Variants in FYN observed in about 807,000 individuals in gnomAD.
FYN encodes the protein tyrosine-protein kinase Fyn.
FYN carries 10 observed loss-of-function variants against 70.2 expected under a neutral mutation model. The observed-to-expected ratio is 0.14, with a 90% CI of 0.09 to 0.24. The LOEUF (loss-of-function observed/expected upper bound fraction) is 0.24, where lower values mean the gene tolerates loss of function less well. Ranked by LOEUF, FYN falls within the 10% of genes least tolerant of loss-of-function variation. The pLI, the probability that FYN is intolerant of heterozygous loss-of-function variation, is 1.00. For synonymous variants in FYN, 236 were observed against 248.6 expected, an observed-to-expected ratio of 0.95 and a Z score of 0.48; for missense variants, 319 against 673.1, an observed-to-expected ratio of 0.47 and a Z score of 5.82.
At chr6:111,767,823 ACT>A (rs1803293449) in intron 3 of FYN, among the ~76,000 whole-genome samples, 1 of 152,230 alleles carries the variant, frequency 6.6e-6, no homozygotes, top group African/African-American at 2.4e-5. Context: ...GTGTGCCAGC[ACT>A]GAGACCTGTG....
intron 2 of FYN, among the ~76,000 whole-genome samples, chr6:111,799,071 G>A (rs1205889109): frequency 6.6e-6 from 1 of 152,182 alleles, no homozygotes; most frequent in Non-Finnish European, 1.5e-5. Flanking sequence ...TAGGTGAGAT[G>A]CTACCAGTCA....
chr6:111,693,188 T>C (rs774422136), intron 12 of FYN, among the ~76,000 whole-genome samples: 3 of 152,014 alleles, frequency 2.0e-5, no homozygotes, highest in Admixed American at 6.6e-5. Flanking sequence ...GAGAGGATAA[T>C]TGGCATGAAA....
At chr6:111,723,719 T>C (rs184404309) in intron 3 of FYN, among the ~76,000 whole-genome samples, 5 of 152,354 alleles carry the variant, frequency 3.3e-5, no homozygotes, top group South Asian at 2.1e-4. Flanking sequence ...AGGCAAACTT[T>C]TGATCATTCA....
At position 111,871,498 on chromosome 6, in the gene FYN, T is replaced by C. The variant is rs984274963; in HGVS notation, c.-123+1470A>G. On this transcript the variant is annotated intron_variant, in intron 1 of 13. Coordinates refer to ENST00000354650, the MANE Select transcript of FYN (RefSeq NM_002037.5). ...GCAGTGGTCTTCCAAATGCTAACTC[T>C]AGACCGTTTTATCCACGTCCCCAGG... 7.2e-5 allele frequency among the ~76,000 whole-genome samples: 11 copies of C among 152,232 alleles called. No individual in the cohort carries two copies. In the South Asian group the frequency reaches 1.2e-3, roughly 17 times the overall value.
chr6:111,710,414 A>G (rs1800313176), intron 5 of FYN, among the ~76,000 whole-genome samples: 1 of 152,200 alleles, frequency 6.6e-6, no homozygotes, highest in Admixed American at 6.5e-5. Context: ...ATTTTGGTCT[A>G]GGTACCTAAA....
chr6:111,778,060 G>A (rs1246293807), intron 3 of FYN, among the ~76,000 whole-genome samples: 1 of 152,226 alleles, frequency 6.6e-6, no homozygotes, highest in Non-Finnish European at 1.5e-5. Context: ...AGCATCCACA[G>A]AAGCAATGCA....
chr6:111,807,029 A>G (rs1772171654), intron 2 of FYN, among the ~76,000 whole-genome samples: 1 of 152,080 alleles, frequency 6.6e-6, no homozygotes. Flanking sequence ...CTCTGATTTC[A>G]CGTTTCCCTT....
chr6:111,666,375 G>A (rs1583280028), intron 13 of FYN, among the ~76,000 whole-genome samples: 1 of 152,070 alleles, frequency 6.6e-6, no homozygotes, highest in East Asian at 1.9e-4. Flanking sequence ...ACAGAGAGGC[G>A]GCTTGGGGCT....
intron 6 of FYN, among the ~76,000 whole-genome samples, chr6:111,704,419 A>G (rs934362248): frequency 6.6e-6 from 1 of 152,208 alleles, no homozygotes; most frequent in Non-Finnish European, 1.5e-5. Context: ...TAAGACCTTG[A>G]TTTGAAATGG....
chr6:111,716,003 T>C (rs706888), intron 4 of FYN, among the ~76,000 whole-genome samples: 143,175 of 152,326 alleles, frequency 0.94, 67,455 homozygotes, highest in East Asian at 1. Flanking sequence ...GTTATTTCTA[T>C]TTTAGTACAT....
intron 2 of FYN, among the ~76,000 whole-genome samples, chr6:111,784,972 C>CA (rs1413203409): frequency 6.6e-6 from 1 of 152,184 alleles, no homozygotes; most frequent in Non-Finnish European, 1.5e-5. Flanking sequence ...ATAGAAGTGA[C>CA]AGAGTCAAGG....
chr6:111,759,104 T>G (rs560669827), intron 3 of FYN: 2 of 152,506 alleles, frequency 1.3e-5, no homozygotes, highest in East Asian at 3.8e-4. Context: ...TCTCAGCTCC[T>G]TGGCTTATAC....
chr6:111,812,604 CT>C (rs369326017), intron 2 of FYN, among the ~76,000 whole-genome samples: 2,613 of 101,208 alleles, frequency 0.026, 34 homozygotes, highest in East Asian at 0.074. Context: ...AGAAATTTTC[CT>C]TTTTTTTTTT....
At chr6:111,865,861 G>A (rs1277790965) in intron 1 of FYN, among the ~76,000 whole-genome samples, 2 of 152,290 alleles carry the variant, frequency 1.3e-5, no homozygotes, top group East Asian at 3.9e-4. Context: ...CAGGGTTAAC[G>A]TCAGAATGCT....
intron 3 of FYN, among the ~76,000 whole-genome samples, chr6:111,775,706 T>C (rs1014494931): frequency 6.6e-6 from 1 of 152,190 alleles, no homozygotes; most frequent in Non-Finnish European, 1.5e-5. Flanking sequence ...CTGGAGAGGC[T>C]GTTAAGAATA....
intron 13 of FYN, among the ~76,000 whole-genome samples, chr6:111,664,729 C>T (rs551140239): frequency 8.5e-5 from 13 of 152,162 alleles, no homozygotes; most frequent in Non-Finnish European, 1.5e-4. Flanking sequence ...TGCACCCCTC[C>T]GCTCTTCCCC....
intron 2 of FYN, among the ~76,000 whole-genome samples, chr6:111,829,579 G>A (rs1220228218): frequency 1.3e-5 from 2 of 152,134 alleles, no homozygotes; most frequent in African/African-American, 4.8e-5. Flanking sequence ...ACCATAGACT[G>A]AGCACTTCCA....
chr6:111,778,886 A>G (rs562183669), intron 3 of FYN, among the ~76,000 whole-genome samples: 2 of 152,208 alleles, frequency 1.3e-5, no homozygotes, highest in Non-Finnish European at 2.9e-5. Flanking sequence ...AGGTCTAATT[A>G]ACATTCAAGA....
At chr6:111,774,175 T>G (rs1803615241) in intron 3 of FYN, among the ~76,000 whole-genome samples, 2 of 152,212 alleles carry the variant, frequency 1.3e-5, no homozygotes, top group Non-Finnish European at 1.5e-5. Context: ...TTAGAGAGCC[T>G]GTTTCCATAT....
Sources: allele counts gnomAD v4.1 joint callset (sites outside exome capture counted in the v4.1 genomes callset), GRCh38; gene constraint gnomAD v4.1.1; transcripts MANE v1.5; gene names NCBI Gene and HGNC (gene_info 2026-07-23, HGNC 2026-07-21).